GALNT2: variants seen among roughly 807,000 people sequenced by gnomAD.
The protein encoded by GALNT2 is polypeptide N-acetylgalactosaminyltransferase 2, also known as UDP-GalNAc:polypeptide N-acetylgalactosaminyltransferase 2.
A neutral mutation model predicts 81.4 loss-of-function variants in GALNT2; 31 were observed. That is an observed-to-expected ratio of 0.38 (90% CI 0.29 to 0.51). GALNT2 has a LOEUF of 0.51. Among genes scored for constraint, GALNT2 ranks in the 20% least tolerant of loss-of-function variants. The probability of loss-of-function intolerance (pLI) is 0.87; values close to 1 mark genes in which losing one functional copy is unlikely to be tolerated. For missense variants in GALNT2, 629 were observed against 765.7 expected (o/e 0.82, Z 2.11); for synonymous variants, 303 against 287.4 (o/e 1.05, Z -0.55).
intron 2 of GALNT2, among the ~76,000 whole-genome samples, chr1:230,190,306 G>T (rs1392385206): frequency 1.3e-5 from 2 of 152,204 alleles, no homozygotes; most frequent in Non-Finnish European, 2.9e-5. Flanking sequence ...ACCCAGGTGG[G>T]TGTGCTGCCC....
At chr1:230,204,791 G>C (rs1664010607) in intron 3 of GALNT2, among the ~76,000 whole-genome samples, 2 of 152,148 alleles carry the variant, frequency 1.3e-5, no homozygotes. Context: ...TCAGTGAATG[G>C]AATATAGATT....
At chr1:230,167,561 C>T (rs1371524391) in intron 1 of GALNT2, among the ~76,000 whole-genome samples, 4 of 152,228 alleles carry the variant, frequency 2.6e-5, no homozygotes, top group Non-Finnish European at 5.9e-5. Flanking sequence ...ATGGTGGCAC[C>T]TACTGGTGAC....
intron 1 of GALNT2, among the ~76,000 whole-genome samples, chr1:230,142,768 A>G (rs1220160672): frequency 2.0e-5 from 3 of 152,198 alleles, no homozygotes; most frequent in Non-Finnish European, 4.4e-5. Context: ...CTTGCTGGTC[A>G]GCTACTTCTT....
chr1:230,131,240 A>G (rs946708094), intron 1 of GALNT2, among the ~76,000 whole-genome samples: 1 of 152,180 alleles, frequency 6.6e-6, no homozygotes, highest in African/African-American at 2.4e-5. Context: ...CGGGTAACAG[A>G]AAACTGAGGA....
Position 230,106,899 on chromosome 1 carries a change from G to A in GALNT2, c.126+39493G>A, listed in dbSNP as rs187547934. ...GTGTCATTAAACAATGCTGTGAAAA[G>A]GGCACTATTATTTCCCCCATATTTT... is the stretch of plus-strand genomic sequence containing the variant. On this transcript the variant is annotated intron_variant, in intron 1 of 15. Coordinates refer to ENST00000366672, the MANE Select transcript of GALNT2 (RefSeq NM_004481.5). Among the ~76,000 whole-genome samples the A allele has an allele frequency of 6.6e-5, 10 of 152,326 alleles. No homozygotes were observed. The East Asian group carries it at 1.2e-3, about 18-fold the overall frequency.
At chr1:230,066,758 A>AC (rs945783650), upstream of GALNT2, among the ~76,000 whole-genome samples, 1 of 152,152 alleles carries the variant, frequency 6.6e-6, no homozygotes, top group Non-Finnish European at 1.5e-5. Flanking sequence ...CGAGGCCACT[A>AC]CCGCCCCCGT....
chr1:230,128,418 C>G (rs532923861), intron 1 of GALNT2, among the ~76,000 whole-genome samples: 18 of 152,220 alleles, frequency 1.2e-4, no homozygotes, highest in South Asian at 6.2e-4. Flanking sequence ...CCCCGAAGCT[C>G]TGTTCTGTGG....
upstream of GALNT2, among the ~76,000 whole-genome samples, chr1:230,065,091 A>T (rs927611007): frequency 2.0e-5 from 3 of 152,140 alleles, no homozygotes; most frequent in Non-Finnish European, 4.4e-5. Context: ...ATTAGGTTTT[A>T]TTGTTTAATG....
At position 230,280,800 on chromosome 1, in the gene GALNT2, C is replaced by G. The variant is rs1043819887; in HGVS notation, c.*1342C>G. 9.8e-5 allele frequency: 15 copies of G among 152,290 alleles called. No individual in the cohort carries two copies. Among genetic ancestry groups the G allele is most frequent in the African/African-American group, 2.9e-4 (12 of 41,466 alleles). 9.4% of individuals were successfully genotyped at this position (152,290 alleles called of 1,614,324 possible). On this transcript the variant is annotated 3_prime_UTR_variant, in exon 16 of 16. Coordinates refer to ENST00000366672, the MANE Select transcript of GALNT2 (RefSeq NM_004481.5). ...GGGTCAGAACCAAACAATACCTGCT[C>G]ATTTACACTGAGGATTCAGGGCGGG... is the stretch of plus-strand genomic sequence containing the variant.
At chr1:230,074,363 G>T (rs1489533560) in intron 1 of GALNT2, among the ~76,000 whole-genome samples, 1 of 152,222 alleles carries the variant, frequency 6.6e-6, no homozygotes, top group Admixed American at 6.5e-5. Context: ...CCAGGTGTGA[G>T]CGACTGCACT....
At chr1:230,069,256 A>AGTTTG (rs1480968300) in intron 1 of GALNT2, among the ~76,000 whole-genome samples, 8 of 137,748 alleles carry the variant, frequency 5.8e-5, no homozygotes, top group African/African-American at 2.5e-4. Context: ...TGTGATTCTT[A>AGTTTG]GTTTGTTTTT....
chr1:230,252,543 T>C (rs1278564558), intron 10 of GALNT2, among the ~76,000 whole-genome samples: 1 of 152,122 alleles, frequency 6.6e-6, no homozygotes, highest in Non-Finnish European at 1.5e-5. Context: ...TCTGCAGAGG[T>C]CATGACACCT....
At chr1:230,088,035 G>A (rs150982687) in intron 1 of GALNT2, among the ~76,000 whole-genome samples, 2,611 of 152,206 alleles carry the variant, frequency 0.017, 74 homozygotes, top group African/African-American at 0.058. Context: ...TTCAGTAGTT[G>A]AGCAATCCTG....
intron 1 of GALNT2, among the ~76,000 whole-genome samples, chr1:230,154,349 G>T (rs1662182244): frequency 6.6e-6 from 1 of 152,170 alleles, no homozygotes; most frequent in African/African-American, 2.4e-5. Flanking sequence ...CCCCGAGTTG[G>T]TACAGAGCTG....
chr1:230,121,465 G>T (rs1442303680), intron 1 of GALNT2, among the ~76,000 whole-genome samples: 1 of 152,174 alleles, frequency 6.6e-6, no homozygotes, highest in Non-Finnish European at 1.5e-5. Context: ...CATCCTGGTT[G>T]CATTCCCTCA....
chr1:230,121,778 A>G (rs1226525880), intron 1 of GALNT2, among the ~76,000 whole-genome samples: 1 of 152,158 alleles, frequency 6.6e-6, no homozygotes, highest in Non-Finnish European at 1.5e-5. Context: ...CACTTTGCAT[A>G]GATCCCAAAA....
At chr1:230,222,745 G>A (rs868225217) in intron 3 of GALNT2, among the ~76,000 whole-genome samples, 21 of 151,922 alleles carry the variant, frequency 1.4e-4, no homozygotes, top group Admixed American at 1.2e-3. Flanking sequence ...TGAGATTTTC[G>A]TTCCAGGTGC....
chr1:230,161,141 C>T (rs762330182), intron 1 of GALNT2, among the ~76,000 whole-genome samples: 12 of 152,230 alleles, frequency 7.9e-5, no homozygotes, highest in Non-Finnish European at 1.5e-4. Flanking sequence ...CTGTGACTGT[C>T]TGGGCGGTCC....
rs760228934 is a variant in GALNT2 at position 230,203,331 on chromosome 1, T to C, written c.374+41T>C. ...AGCACCTGCTGCAGCTTCATTTGCT[T>C]TCACACAAACCAGTACGTCGCTTTC... On this transcript the variant is annotated intron_variant, in intron 3 of 15. Coordinates refer to ENST00000366672, the MANE Select transcript of GALNT2 (RefSeq NM_004481.5). 11 of 1,605,926 alleles carry C rather than the reference T, an allele frequency of 6.8e-6. No individual in the cohort carries two copies. The Admixed American group carries it at 1.8e-4, about 27-fold the overall frequency.
Sources: allele counts gnomAD v4.1 joint callset (sites outside exome capture counted in the v4.1 genomes callset), GRCh38; gene constraint gnomAD v4.1.1; transcripts MANE v1.5; gene names NCBI Gene and HGNC (gene_info 2026-07-23, HGNC 2026-07-21).